The following TRAK1 variants were observed in gnomAD, a reference collection of about 807,000 sequenced individuals.
The protein encoded by TRAK1 is trafficking kinesin protein 1, also known as trafficking kinesin-binding protein 1.
In TRAK1, 33 loss-of-function variants were observed where a neutral mutation model predicts 92.1. That is an observed-to-expected ratio of 0.36 (90% CI 0.27 to 0.48). TRAK1 has a LOEUF of 0.48. Among genes scored for constraint, TRAK1 ranks in the 20% least tolerant of loss-of-function variants. The pLI, the probability that TRAK1 is intolerant of heterozygous loss-of-function variation, is 0.99. For synonymous variants in TRAK1, 521 were observed against 517.3 expected, an observed-to-expected ratio of 1.01 and a Z score of -0.10; for missense variants, 1,123 against 1,257.9, an observed-to-expected ratio of 0.89 and a Z score of 1.62.
chr3:42,178,786 C>T (rs55755443), intron 3 of TRAK1, among the ~76,000 whole-genome samples: 1,538 of 152,070 alleles, frequency 0.01, 26 homozygotes, highest in African/African-American at 0.036. Context: ...ACCAGCCTTG[C>T]CAACATGGCC....
chr3:42,193,186 T>C lies in TRAK1; in HGVS notation c.881T>C (p.Leu294Ser), dbSNP rs1296266746. 8.1e-6 allele frequency: 13 copies of C among 1,614,012 alleles called. No individual in the cohort carries two copies. The Admixed American group carries it at 2.2e-4, about 27-fold the overall frequency. The change falls in exon 8 of 16, where the codon TTG becomes TCG. Residue 294 changes from leucine (L) to serine (S), a missense_variant. By Grantham distance (145) the Leu-to-Ser change is moderately radical. Coordinates refer to ENST00000327628, the MANE Select transcript of TRAK1 (RefSeq NM_001042646.3). ...CACCTGCTATCGCAAATAGTTGATTTGCAGAAAAAGGCAAAAGCTGTAAGG... is the reference window on the plus strand; with the variant it reads ...CACCTGCTATCGCAAATAGTTGATTCGCAGAAAAAGGCAAAAGCTGTAAGG... The part of the protein sequence containing the change: ...ITHLLSQIVD[L>S]QKKAKACAVE...
chr3:42,055,793 A>G (rs766749416), intron 1 of TRAK1, among the ~76,000 whole-genome samples: 2 of 152,132 alleles, frequency 1.3e-5, no homozygotes, highest in Non-Finnish European at 2.9e-5. Context: ...CACTTTCTTC[A>G]CCCGCAAAAG....
intron 1 of TRAK1, among the ~76,000 whole-genome samples, chr3:42,076,216 CTTTTTTTTTT>C (rs3073733): frequency 1.6e-5 from 1 of 62,684 alleles, no homozygotes; most frequent in African/African-American, 8.0e-5. Context: ...GATATTAGAC[CTTTTTTTTTT>C]TTTTTTTTTT....
chr3:42,186,775 A>T (rs957709308), intron 4 of TRAK1, among the ~76,000 whole-genome samples: 10 of 152,198 alleles, frequency 6.6e-5, no homozygotes, highest in African/African-American at 9.7e-5. Context: ...AAAGCTTTGA[A>T]TTTGAAAGCT....
intron 1 of TRAK1, among the ~76,000 whole-genome samples, chr3:42,121,404 C>T (rs1376320394): frequency 1.3e-5 from 2 of 152,090 alleles, no homozygotes; most frequent in Non-Finnish European, 2.9e-5. Context: ...GGACTACAGG[C>T]GCCCACCACT....
chr3:42,172,866 C>T (rs138444088), intron 2 of TRAK1, among the ~76,000 whole-genome samples: 8 of 152,356 alleles, frequency 5.3e-5, no homozygotes, highest in African/African-American at 1.9e-4. Flanking sequence ...ATCATAGAGA[C>T]TGAGCACGGT....
intron 14 of TRAK1, chr3:42,211,051 G>A: frequency 2.0e-6 from 2 of 985,434 alleles, no homozygotes; most frequent in Non-Finnish European, 2.4e-6. Flanking sequence ...GGAGTCAGGG[G>A]GGAGACTGAG....
At chr3:42,079,525 G>T (rs945418819) in intron 1 of TRAK1, among the ~76,000 whole-genome samples, 9 of 136,380 alleles carry the variant, frequency 6.6e-5, no homozygotes, top group African/African-American at 2.4e-4. Context: ...GTCTTGCCCA[G>T]GCTGGAGTAC....
At chr3:42,190,884 C>A (rs879789732) in intron 6 of TRAK1, among the ~76,000 whole-genome samples, 2 of 151,958 alleles carry the variant, frequency 1.3e-5, no homozygotes, top group Admixed American at 1.3e-4. Flanking sequence ...CCTCCCATCT[C>A]GGCCTCCCAA....
intron 1 of TRAK1, 33 bp from the exon 2 acceptor site, chr3:42,125,387 T>G: frequency 6.2e-7 from 1 of 1,600,924 alleles, no homozygotes; most frequent in South Asian, 1.1e-5. Flanking sequence ...TAGCCATTTC[T>G]GGGCTCTCAT....
chr3:42,123,485 C>A (rs899994734), intron 1 of TRAK1, among the ~76,000 whole-genome samples: 1 of 152,248 alleles, frequency 6.6e-6, no homozygotes, highest in Non-Finnish European at 1.5e-5. Flanking sequence ...AGTAGCCTCC[C>A]GTGTGGAGCA....
intron 3 of TRAK1, among the ~76,000 whole-genome samples, chr3:42,177,481 C>A (rs1450973113): frequency 6.6e-6 from 1 of 152,110 alleles, no homozygotes; most frequent in African/African-American, 2.4e-5. Flanking sequence ...CTGGAACAGG[C>A]CAGAACATGG....
At chr3:42,081,066 A>G (rs1704410232) in intron 1 of TRAK1, among the ~76,000 whole-genome samples, 1 of 152,024 alleles carries the variant, frequency 6.6e-6, no homozygotes, top group Admixed American at 6.6e-5. Flanking sequence ...TTGTAGAGTT[A>G]GGGTTCCACC....
intron 11 of TRAK1, 38 bp downstream of exon 11, chr3:42,199,291 G>T: frequency 6.2e-7 from 1 of 1,603,720 alleles, no homozygotes; most frequent in South Asian, 1.1e-5. Flanking sequence ...GATTCCCAGA[G>T]ACCAACTTGG....
chr3:42,210,313 C>A, intron 14 of TRAK1: 1 of 1,506,616 alleles, frequency 6.6e-7, no homozygotes. Context: ...TCTGATGCCT[C>A]CTATTTGTAA....
Position 42,203,826 on chromosome 3 carries a change from A to T in TRAK1, c.1744+1074A>T, listed in dbSNP as rs1286976204. 7.2e-6 allele frequency: 6 copies of T among 836,108 alleles called. No homozygotes were observed. In the Admixed American group the frequency reaches 3.7e-4, roughly 52 times the overall value. The allele number at this position is 836,108 out of a possible 1,614,324, so 51.8% of individuals were successfully genotyped here. A position where few individuals can be genotyped will look rare whatever the true frequency, so the allele number is the denominator to read the frequency against. On this transcript the variant is annotated intron_variant, in intron 13 of 15. Transcript: ENST00000327628. ...TTTATGTACTATATGTATATACATA[A>T]ACAATACATAAGCAATACATCTGTG...
chr3:42,052,310 A>G (rs1204141872), intron 1 of TRAK1, among the ~76,000 whole-genome samples: 1 of 152,208 alleles, frequency 6.6e-6, no homozygotes, highest in Admixed American at 6.5e-5. Context: ...GGGTCTTCAG[A>G]CCTCAGAAAC....
chr3:42,209,644 G>T (rs1004106859), intron 13 of TRAK1, 123 bp from the exon 14 acceptor site: 26 of 950,864 alleles, frequency 2.7e-5, no homozygotes, highest in Non-Finnish European at 3.7e-5. Context: ...CCACCTGGAG[G>T]CCCAGACCCT....
chr3:42,175,466 G>A (rs1366162082), intron 2 of TRAK1, among the ~76,000 whole-genome samples: 1 of 152,138 alleles, frequency 6.6e-6, no homozygotes, highest in Non-Finnish European at 1.5e-5. Context: ...TGGCAGCTCT[G>A]TCTGAGGCAG....
Sources: gnomAD v4.1 joint callset for allele counts (sites outside exome capture counted in the v4.1 genomes callset) on GRCh38, gnomAD v4.1.1 for gene constraint, MANE v1.5 for transcripts, NCBI Gene and HGNC (gene_info 2026-07-23, HGNC 2026-07-21) for gene names.